JAZF1: variants seen among roughly 807,000 people sequenced by gnomAD.
JAZF1 encodes juxtaposed with another zinc finger protein 1.
JAZF1 carries 8 observed loss-of-function variants against 26.4 expected under a neutral mutation model. The observed-to-expected ratio is 0.30, with a 90% CI of 0.18 to 0.55. The LOEUF is 0.55. JAZF1 is among the 20% of genes least tolerant of loss of function. The pLI is 0.94. For synonymous variants in JAZF1, 126 were observed against 122.3 expected, an observed-to-expected ratio of 1.03 and a Z score of -0.20; for missense variants, 199 against 322.0, an observed-to-expected ratio of 0.62 and a Z score of 2.92.
chr7:27,874,306 G>A (rs1783635873), intron 3 of JAZF1, among the ~76,000 whole-genome samples: 1 of 152,214 alleles, frequency 6.6e-6, no homozygotes, highest in Non-Finnish European at 1.5e-5. Flanking sequence ...CAGAACATGA[G>A]GCTTTTTCTG....
chr7:28,126,876 G>A (rs1345887282), intron 1 of JAZF1, among the ~76,000 whole-genome samples: 2 of 152,150 alleles, frequency 1.3e-5, no homozygotes, highest in Non-Finnish European at 2.9e-5. Flanking sequence ...TCCTTTCCAG[G>A]TCAAGGCCCA....
In JAZF1 at chr7:27,835,612, T is replaced by C. The variant is rs80112604; in HGVS notation, c.556-2636A>G. ...CACTCCTTTGTCTTTGCTGCTGTGA[T>C]TAAAAAATGTTGACAAGCGTCAGTG... On this transcript the variant is annotated intron_variant, in intron 4 of 4. Coordinates refer to ENST00000283928, the MANE Select transcript of JAZF1 (RefSeq NM_175061.4). Among the ~76,000 whole-genome samples the C allele has an allele frequency of 3.5e-3, 540 of 152,322 alleles. 2 individuals are homozygous for C. The highest frequency in any genetic ancestry group is 0.012 in the African/African-American group (499 of 41,572).
At position 27,947,511 on chromosome 7, in the gene JAZF1, T is replaced by C. The variant is rs142485539; in HGVS notation, c.188+44398A>G. Among the ~76,000 whole-genome samples, 758 of 152,362 alleles carry C rather than the reference T, an allele frequency of 5.0e-3. 10 individuals are homozygous for C. Among genetic ancestry groups the C allele is most frequent in the Admixed American group, 5.5e-3 (84 of 15,308 alleles). On this transcript the variant is annotated intron_variant, in intron 2 of 4. Transcript: ENST00000283928. ...GGCTTATGAGAGCCTCTGCTATTCCTTTCAAGTGAATCTGCTTTCATGCAG... is the reference window on the plus strand; with the variant it reads ...GGCTTATGAGAGCCTCTGCTATTCCCTTCAAGTGAATCTGCTTTCATGCAG...
intron 1 of JAZF1, among the ~76,000 whole-genome samples, chr7:28,158,186 C>CACACACACAGAG (rs149643430): frequency 0.04 from 5,710 of 143,356 alleles, 172 homozygotes; most frequent in South Asian, 0.11. Context: ...CACACACACA[C>CACACACACAGAG]AGAGAGAGAG....
At chr7:27,902,737 C>A (rs777614546) in intron 2 of JAZF1, among the ~76,000 whole-genome samples, 1 of 152,286 alleles carries the variant, frequency 6.6e-6, no homozygotes, top group South Asian at 2.1e-4. Flanking sequence ...GATTAACATG[C>A]TGGGCACGGT....
At chr7:28,153,443 C>T (rs1042625096) in intron 1 of JAZF1, among the ~76,000 whole-genome samples, 2 of 152,060 alleles carry the variant, frequency 1.3e-5, no homozygotes, top group Non-Finnish European at 2.9e-5. Context: ...AACCAGATTG[C>T]AGGTTTTTCC....
chr7:28,113,154 G>C (rs999595318), intron 1 of JAZF1, among the ~76,000 whole-genome samples: 1 of 152,168 alleles, frequency 6.6e-6, no homozygotes, highest in African/African-American at 2.4e-5. Context: ...CCGGCCTGTT[G>C]AATCGGTATC....
chr7:28,161,737 C>T (rs1410466954), intron 1 of JAZF1, among the ~76,000 whole-genome samples: 1 of 152,120 alleles, frequency 6.6e-6, no homozygotes, highest in Non-Finnish European at 1.5e-5. Context: ...GCCTTTGCTG[C>T]TAACTAGCTA....
intron 1 of JAZF1, among the ~76,000 whole-genome samples, chr7:28,043,927 A>C (rs1451225951): frequency 1.3e-5 from 2 of 152,144 alleles, no homozygotes; most frequent in African/African-American, 4.8e-5. Context: ...AAAATCCAGA[A>C]AAAGCAGATC....
intron 2 of JAZF1, among the ~76,000 whole-genome samples, chr7:27,936,460 G>A (rs1463177577): frequency 6.6e-6 from 1 of 152,222 alleles, no homozygotes; most frequent in African/African-American, 2.4e-5. Context: ...TGTGAGTGCA[G>A]TGGACATAGT....
chr7:27,868,153 G>C (rs1328311521), intron 3 of JAZF1, among the ~76,000 whole-genome samples: 2 of 152,210 alleles, frequency 1.3e-5, no homozygotes, highest in African/African-American at 4.8e-5. Flanking sequence ...GTCAGCACTA[G>C]TCGTTACTAT....
intron 1 of JAZF1, among the ~76,000 whole-genome samples, chr7:28,031,828 G>A (rs1349215257): frequency 6.6e-6 from 1 of 152,004 alleles, no homozygotes; most frequent in Non-Finnish European, 1.5e-5. Context: ...ACCACCATGC[G>A]ACATGTTCAC....
At position 27,986,137 on chromosome 7, in the gene JAZF1, A is replaced by G. The variant is rs569329815; in HGVS notation, c.188+5772T>C. ...GGGCAATCAGGCAAGAGAAAGAAAT[A>G]AAGGGTATTCAATTAGGAAAAGAGG... On this transcript the variant is annotated intron_variant, in intron 2 of 4. Coordinates refer to ENST00000283928, the MANE Select transcript of JAZF1 (RefSeq NM_175061.4). Among the ~76,000 whole-genome samples the G allele has an allele frequency of 5.9e-5, 9 of 152,330 alleles. No homozygotes were observed. In the East Asian group the frequency reaches 1.2e-3, roughly 20 times the overall value.
At chr7:28,084,248 T>C (rs1437017142) in intron 1 of JAZF1, among the ~76,000 whole-genome samples, 1 of 152,160 alleles carries the variant, frequency 6.6e-6, no homozygotes, top group East Asian at 1.9e-4. Context: ...ACAATTTTGC[T>C]TTACTGATTT....
At chr7:27,932,254 C>G (rs1341890383) in intron 2 of JAZF1, among the ~76,000 whole-genome samples, 1 of 152,200 alleles carries the variant, frequency 6.6e-6, no homozygotes, top group Non-Finnish European at 1.5e-5. Context: ...CAACTGTTCT[C>G]AAGTCCAACT....
chr7:28,112,990 A>G (rs545707532), intron 1 of JAZF1, among the ~76,000 whole-genome samples: 5 of 152,318 alleles, frequency 3.3e-5, no homozygotes, highest in African/African-American at 1.2e-4. Context: ...CAAGCTCAGG[A>G]GAATATGAAA....
At chr7:27,889,227 A>T (rs1198590330) in intron 3 of JAZF1, among the ~76,000 whole-genome samples, 1 of 151,238 alleles carries the variant, frequency 6.6e-6, no homozygotes, top group Non-Finnish European at 1.5e-5. Flanking sequence ...GTAGATTAAA[A>T]TTTTTTCCAG....
intron 1 of JAZF1, among the ~76,000 whole-genome samples, chr7:28,008,422 T>C (rs1782741190): frequency 6.6e-6 from 1 of 152,170 alleles, no homozygotes; most frequent in African/African-American, 2.4e-5. Flanking sequence ...CCCAAAGTTC[T>C]GGGATTATAG....
chr7:28,106,379 T>C (rs10277779), intron 1 of JAZF1, among the ~76,000 whole-genome samples: 2,305 of 152,310 alleles, frequency 0.015, 61 homozygotes, highest in African/African-American at 0.053. Context: ...GACATGCACC[T>C]GGCTTGCTGA....
Sources: gnomAD v4.1 joint callset for allele counts (sites outside exome capture counted in the v4.1 genomes callset) on GRCh38, gnomAD v4.1.1 for gene constraint, MANE v1.5 for transcripts, NCBI Gene and HGNC (gene_info 2026-07-23, HGNC 2026-07-21) for gene names.